The following GRIK5 variants were observed in gnomAD, a reference collection of about 807,000 sequenced individuals.
The protein encoded by GRIK5 is glutamate receptor ionotropic, kainate 5.
Under a neutral mutation model 97.4 loss-of-function variants are expected in GRIK5, and 43 were observed. That is an observed-to-expected ratio of 0.44 (90% confidence interval 0.35 to 0.57). GRIK5 has a LOEUF of 0.57. Among genes scored for constraint, GRIK5 ranks in the 20% least tolerant of loss-of-function variants. GRIK5 has a pLI of 0.01. For synonymous variants in GRIK5, 580 were observed against 583.5 expected, an observed-to-expected ratio of 0.99 and a Z score of 0.09; for missense variants, 1,015 against 1,382.0, an observed-to-expected ratio of 0.73 and a Z score of 4.21.
At chr19:42,060,609 A>C (rs1231433183) in intron 5 of GRIK5, among the ~76,000 whole-genome samples, 1 of 149,228 alleles carries the variant, frequency 6.7e-6, no homozygotes, top group Non-Finnish European at 1.5e-5. Flanking sequence ...TCCAGCCCAC[A>C]GCTCCTCCTC....
At chr19:42,051,944 A>T (rs1466361566) in intron 11 of GRIK5, among the ~76,000 whole-genome samples, 1 of 152,062 alleles carries the variant, frequency 6.6e-6, no homozygotes, top group Non-Finnish European at 1.5e-5. Context: ...CCTAAAGCTG[A>T]CTCAGTCCCT....
intron 3 of GRIK5, among the ~76,000 whole-genome samples, chr19:42,064,525 C>T (rs980674907): frequency 6.6e-6 from 1 of 152,134 alleles, no homozygotes; most frequent in Non-Finnish European, 1.5e-5. Flanking sequence ...TGCCTCCTCA[C>T]CCTCCATCCC....
At chr19:42,067,898 T>C (rs1227970367) in intron 1 of GRIK5, among the ~76,000 whole-genome samples, 1 of 151,392 alleles carries the variant, frequency 6.6e-6, no homozygotes, top group East Asian at 1.9e-4. Context: ...CAGATAAAAG[T>C]CAAAACCCAG....
chr19:42,042,519 C>T lies in GRIK5; in HGVS notation c.1473+33G>A. 2 of 1,572,414 alleles carry T rather than the reference C, an allele frequency of 1.3e-6. No homozygotes were observed. The highest frequency in any genetic ancestry group is 1.7e-6 in the Non-Finnish European group (2 of 1,153,478). ...CCCGCCCTCCCTCACTCGCCGGGTC[C>T]ATGCATCTTTCCCGGCCCCAGTCCA... On this transcript the variant is annotated intron_variant, in intron 12 of 19. Coordinates refer to ENST00000593562, the MANE Select transcript of GRIK5 (RefSeq NM_002088.5). This position sits in a 1 kb window ranked among gnomAD's most constrained non-coding sequence, Gnocchi z 6.9.
intron 11 of GRIK5, among the ~76,000 whole-genome samples, chr19:42,051,110 G>A (rs779510152): frequency 1.4e-4 from 21 of 152,286 alleles, no homozygotes; most frequent in Non-Finnish European, 2.4e-4. Context: ...TCACCAAAGG[G>A]CAGAGTGAGG....
intron 15 of GRIK5, among the ~76,000 whole-genome samples, chr19:42,015,154 T>C (rs1188497555): frequency 6.6e-6 from 1 of 152,156 alleles, no homozygotes; most frequent in African/African-American, 2.4e-5. Flanking sequence ...TCAACATGCA[T>C]GAGGCAAAAA....
At chr19:42,050,016 A>G (rs2076091568) in intron 11 of GRIK5, among the ~76,000 whole-genome samples, 1 of 151,922 alleles carries the variant, frequency 6.6e-6, no homozygotes, top group Admixed American at 6.6e-5. Flanking sequence ...TGCAGCCTCA[A>G]CCTCCTGAGT....
chr19:42,061,750 C>A (rs977188079), intron 5 of GRIK5, among the ~76,000 whole-genome samples: 2 of 152,192 alleles, frequency 1.3e-5, no homozygotes, highest in African/African-American at 2.4e-5. Flanking sequence ...GGGCCCAGAC[C>A]AGTGTCGCCT....
Position 41,998,793 on chromosome 19 carries a change from G to C in GRIK5, c.*78C>G, listed in dbSNP as rs2075401401. 5 of 727,820 alleles carry C rather than the reference G, an allele frequency of 6.9e-6. No individual in the cohort carries two copies. 45.1% of individuals were successfully genotyped at this position (727,820 alleles called of 1,614,324 possible). A position where few individuals can be genotyped will look rare whatever the true frequency, so the allele number is the denominator to read the frequency against. Reference sequence around the variant, plus strand: ...ACAAGTCCTGTCCCGCGCCCGCTGCGGGAGCGGAGACTGCTGGGGCCTGGG... The same window carrying C: ...ACAAGTCCTGTCCCGCGCCCGCTGCCGGAGCGGAGACTGCTGGGGCCTGGG... On this transcript the variant is annotated 3_prime_UTR_variant, in exon 20 of 20. Transcript: ENST00000593562.
chr19:42,054,532 C>A lies in GRIK5; in HGVS notation c.904-60G>T, dbSNP rs1055643036. Reference sequence around the variant, plus strand: ...AGAGGCTGCCTAGGCAGAGGAGCCCCAAAGGCCCCTGAGCTGCCACCCTCA... The same window carrying A: ...AGAGGCTGCCTAGGCAGAGGAGCCCAAAAGGCCCCTGAGCTGCCACCCTCA... On this transcript the variant is annotated intron_variant, in intron 8 of 19. Coordinates refer to ENST00000593562, the MANE Select transcript of GRIK5 (RefSeq NM_002088.5). 5 of 1,580,356 alleles carry A rather than the reference C, an allele frequency of 3.2e-6. No individual in the cohort carries two copies. The African/African-American group carries it at 5.4e-5, about 17-fold the overall frequency.
At chr19:42,045,812 C>G (rs549934846) in intron 11 of GRIK5, among the ~76,000 whole-genome samples, 3 of 152,290 alleles carry the variant, frequency 2.0e-5, no homozygotes, top group Non-Finnish European at 4.4e-5. Context: ...ATTATTACGT[C>G]TCTTTTAGAG....
chr19:42,052,188 C>T (rs2076125386), intron 11 of GRIK5, among the ~76,000 whole-genome samples: 1 of 152,166 alleles, frequency 6.6e-6, no homozygotes, highest in African/African-American at 2.4e-5. Context: ...AGCTCCCAGG[C>T]CTTGAGGAGA....
At chr19:42,020,038 G>C (rs2075678767) in intron 15 of GRIK5, among the ~76,000 whole-genome samples, 1 of 150,348 alleles carries the variant, frequency 6.7e-6, no homozygotes, top group South Asian at 2.1e-4. Flanking sequence ...ATCCAGGCTG[G>C]AGTGCCGTGG....
In GRIK5 at chr19:42,042,636, G is replaced by A. The variant is rs762372081; in HGVS notation, c.1389C>T (p.Arg463=). ...ELAELLRFRY[R]LRLVEDGLYG... Reference sequence around the variant, plus strand: ...ACAGCCCATCCTCCACCAACCGCAGGCGGTAGCGGAAGCGCAGCAGCTCGG... The same window carrying A: ...ACAGCCCATCCTCCACCAACCGCAGACGGTAGCGGAAGCGCAGCAGCTCGG... The change falls in exon 12 of 20, where the codon CGC becomes CGT. Residue 463 remains arginine, a synonymous_variant. Coordinates refer to ENST00000593562, the MANE Select transcript of GRIK5 (RefSeq NM_002088.5). The surrounding 1 kb of genome is among the most constrained non-coding windows in gnomAD (Gnocchi z 6.9). The A allele has an allele frequency of 6.2e-7, 1 of 1,613,328 alleles. No homozygotes were observed. The highest frequency in any genetic ancestry group is 1.3e-5 in the African/African-American group (1 of 75,064).
At chr19:42,033,481 T>C (rs767166315) in intron 12 of GRIK5, among the ~76,000 whole-genome samples, 4 of 151,300 alleles carry the variant, frequency 2.6e-5, no homozygotes, top group Non-Finnish European at 5.9e-5. Context: ...GGTAAACCCA[T>C]GGAGACAGAA....
At chr19:42,014,254 C>A (rs1023040255) in intron 15 of GRIK5, among the ~76,000 whole-genome samples, 1 of 151,752 alleles carries the variant, frequency 6.6e-6, no homozygotes, top group African/African-American at 2.4e-5. Context: ...ATTAGCCAGG[C>A]GTGCTGGCGT....
Position 42,003,816 on chromosome 19 carries a change from C to A in GRIK5, c.2264-133G>T. 1.1e-6 allele frequency: 1 copy of A among 925,042 alleles called. No homozygotes were observed. 57.3% of individuals were successfully genotyped at this position (925,042 alleles called of 1,614,324 possible). ...GCCCAGGGTCTTCCCTGCAGCCTCT[C>A]CTCACCCCCAGCCCAGTCTCCTCTC... On this transcript the variant is annotated intron_variant, in intron 17 of 19. Coordinates refer to ENST00000593562, the MANE Select transcript of GRIK5 (RefSeq NM_002088.5). The surrounding 1 kb of genome is among the most constrained non-coding windows in gnomAD (Gnocchi z 4.2).
chr19:42,041,521 A>AG (rs2075977347), intron 12 of GRIK5, among the ~76,000 whole-genome samples: 1 of 152,136 alleles, frequency 6.6e-6, no homozygotes, highest in African/African-American at 2.4e-5. Context: ...TCCCCATCTT[A>AG]GGGAGGGGAA....
intron 15 of GRIK5, among the ~76,000 whole-genome samples, chr19:42,011,570 G>GT (rs1444307031): frequency 2.7e-5 from 4 of 147,680 alleles, no homozygotes; most frequent in Non-Finnish European, 6.0e-5. Context: ...AAAAAAAAAA[G>GT]TATTTTGTAA....
Sources: gnomAD v4.1 joint callset for allele counts (sites outside exome capture counted in the v4.1 genomes callset) on GRCh38, gnomAD v4.1.1 for gene constraint, Gnocchi (gnomAD v3.1) non-coding constraint, MANE v1.5 for transcripts, NCBI Gene and HGNC (gene_info 2026-07-23, HGNC 2026-07-21) for gene names.